Variants in WDR35 observed in about 807,000 individuals in gnomAD.
WDR35 encodes the protein WD repeat domain 35.
WDR35 carries 118 observed loss-of-function variants against 158.3 expected under a neutral mutation model. That is an observed-to-expected ratio of 0.75 (90% CI 0.64 to 0.87). The LOEUF (loss-of-function observed/expected upper bound fraction) is 0.87. Ranked by LOEUF, WDR35 falls within the 40% of genes least tolerant of loss-of-function variation. The pLI, the probability that WDR35 is intolerant of heterozygous loss-of-function variation, is 0.00. For synonymous variants in WDR35, 448 were observed against 476.1 expected, an observed-to-expected ratio of 0.94 and a Z score of 0.77; for missense variants, 1,263 against 1,405.8, an observed-to-expected ratio of 0.90 and a Z score of 1.62.
At chr2:19,941,874 G>T in intron 16 of WDR35, 35 bp from the exon 17 acceptor site, 1 of 1,428,504 alleles carries the variant, frequency 7.0e-7, no homozygotes, top group Middle Eastern at 2.2e-4. Context: ...GTTTCATTAT[G>T]CAAAATTTCC....
chr2:19,960,434 G>A, intron 11 of WDR35, 120 bp downstream of exon 11: 1 of 784,778 alleles, frequency 1.3e-6, no homozygotes, highest in South Asian at 1.6e-5. Context: ...AAAGTAGGAA[G>A]TATGGTCATC....
At chr2:19,985,701 C>T (rs1429611645) in intron 2 of WDR35, among the ~76,000 whole-genome samples, 5 of 147,088 alleles carry the variant, frequency 3.4e-5, no homozygotes, top group African/African-American at 7.5e-5. Flanking sequence ...CTGGCTAACA[C>T]GGTGAAACCC....
chr2:19,966,662 G>A (rs1200266904), intron 10 of WDR35, 62 bp downstream of exon 10: 12 of 1,573,542 alleles, frequency 7.6e-6, no homozygotes. Flanking sequence ...GCTTGAAAAG[G>A]TAGAAAACTA....
chr2:19,958,866 C>T (rs2103433328), intron 11 of WDR35, among the ~76,000 whole-genome samples: 1 of 152,086 alleles, frequency 6.6e-6, no homozygotes, highest in South Asian at 2.1e-4. Flanking sequence ...TAACAGAGTC[C>T]CACAAACTAC....
intron 2 of WDR35, among the ~76,000 whole-genome samples, chr2:19,988,955 T>C (rs1329435332): frequency 6.6e-6 from 1 of 152,228 alleles, no homozygotes; most frequent in Non-Finnish European, 1.5e-5. Context: ...CATTTTCCAT[T>C]AATAACTCAG....
At chr2:19,967,018 A>G in intron 9 of WDR35, 109 bp from the exon 10 acceptor site, 1 of 1,082,260 alleles carries the variant, frequency 9.2e-7, no homozygotes, top group East Asian at 2.6e-5. Flanking sequence ...AATATTGCAG[A>G]TATTTATCAC....
chr2:19,973,675 A>C lies in WDR35; in HGVS notation c.770T>G (p.Val257Gly), dbSNP rs142955097. Reference protein sequence around the residue: ...PVLIDTGMYVVGIQWNHMGSV... With the variant: ...PVLIDTGMYVGGIQWNHMGSV... ...GCCCATGTGGTTCCACTGGATGCCT[A>C]CTACGTACATGCCAGTGTCAATCAA... Residue 257 changes from valine to glycine, a missense_variant, in exon 8 of 27, where the codon GTA becomes GGA. Physicochemically the swap from Val to Gly is moderately radical, Grantham distance 109 (BLOSUM62 -3). Coordinates refer to ENST00000281405, the MANE Select transcript of WDR35 (RefSeq NM_020779.4). 6.2e-7 allele frequency: 1 copy of C among 1,614,198 alleles called. No individual in the cohort carries two copies. Among genetic ancestry groups the C allele is most frequent in the Non-Finnish European group, 8.5e-7 (1 of 1,180,030 alleles).
Position 19,956,014 on chromosome 2 carries a change from A to G in WDR35, c.1256-2036T>C, listed in dbSNP as rs377469590. 2.0e-5 allele frequency among the ~76,000 whole-genome samples: 3 copies of G among 152,320 alleles called. No homozygotes were observed. The East Asian group carries it at 5.8e-4, about 29-fold the overall frequency. ...GCTCAAAGCCTTTCTTGGAAGGAGC[A>G]CTTTGCTGAAAGCCAGGCATGGAGA... On this transcript the variant is annotated intron_variant, in intron 11 of 26. Coordinates refer to ENST00000281405, the MANE Select transcript of WDR35 (RefSeq NM_020779.4).
chr2:19,921,310 C>T (rs1029877751), intron 25 of WDR35, among the ~76,000 whole-genome samples: 3 of 152,180 alleles, frequency 2.0e-5, no homozygotes, highest in Admixed American at 1.3e-4. Flanking sequence ...AAGCATCACA[C>T]TAACTGACTA....
intron 3 of WDR35, 145 bp downstream of exon 3, chr2:19,982,318 G>T: frequency 1.2e-6 from 1 of 806,038 alleles, no homozygotes; most frequent in Non-Finnish European, 2.0e-6. Flanking sequence ...GGGTTTATTG[G>T]AACATATCCC....
rs570647541 is a variant in WDR35 at position 19,951,283 on chromosome 2, G to A, written c.1470+132C>T. 137 of 824,212 alleles carry A rather than the reference G, an allele frequency of 1.7e-4. No homozygotes were observed. The African/African-American group carries it at 2.0e-3, about 12-fold the overall frequency. The allele number at this position is 824,212 out of a possible 1,614,324, so 51.1% of individuals were successfully genotyped here. On this transcript the variant is annotated intron_variant, in intron 13 of 26. Coordinates refer to ENST00000281405, the MANE Select transcript of WDR35 (RefSeq NM_020779.4). ...ATCTAGGAAAAAGTTTACAGAAGAG[G>A]ATTTTTTTAAAGAATTGCTAAAATA...
intron 10 of WDR35, among the ~76,000 whole-genome samples, chr2:19,961,059 C>T (rs1165386429): frequency 1.3e-5 from 2 of 151,900 alleles, no homozygotes; most frequent in Non-Finnish European, 2.9e-5. Flanking sequence ...GAGATGGCAG[C>T]AGTTTGAAAA....
At chr2:19,949,962 T>C (rs1372526616) in intron 13 of WDR35, among the ~76,000 whole-genome samples, 1 of 152,146 alleles carries the variant, frequency 6.6e-6, no homozygotes, top group African/African-American at 2.4e-5. Context: ...TGGGGGGCTT[T>C]TGAGCTGCTC....
chr2:19,915,423 G>A (rs765115642), intron 25 of WDR35, among the ~76,000 whole-genome samples: 7 of 146,756 alleles, frequency 4.8e-5, no homozygotes, highest in East Asian at 2.0e-4. Context: ...GTTTCAGATC[G>A]TCTTACCACT....
chr2:19,952,695 G>T (rs1671277285), intron 12 of WDR35, among the ~76,000 whole-genome samples: 1 of 150,938 alleles, frequency 6.6e-6, no homozygotes, highest in Non-Finnish European at 1.5e-5. Context: ...CTTTCCATTT[G>T]GTCTTCCAGC....
chr2:19,989,025 GA>G, intron 2 of WDR35, 139 bp downstream of exon 2: 1 of 830,576 alleles, frequency 1.2e-6, no homozygotes. Context: ...ATATACTCCA[GA>G]AAAACACCAT....
intron 10 of WDR35, among the ~76,000 whole-genome samples, chr2:19,961,170 C>G (rs982168464): frequency 1.3e-4 from 19 of 151,990 alleles, no homozygotes; most frequent in Non-Finnish European, 2.1e-4. Context: ...AATCATCAAT[C>G]CTTTATGAAA....
intron 11 of WDR35, among the ~76,000 whole-genome samples, chr2:19,954,773 A>G (rs1381056652): frequency 6.6e-6 from 1 of 152,240 alleles, no homozygotes; most frequent in African/African-American, 2.4e-5. Context: ...CAGAGTTACT[A>G]TATGCCTCAG....
intron 25 of WDR35, among the ~76,000 whole-genome samples, chr2:19,918,863 G>A (rs1317043744): frequency 1.3e-5 from 2 of 152,126 alleles, no homozygotes; most frequent in African/African-American, 4.8e-5. Flanking sequence ...ACAAGGATAT[G>A]CAGGACTTGA....
Sources: gnomAD v4.1 joint callset for allele counts (sites outside exome capture counted in the v4.1 genomes callset) on GRCh38, gnomAD v4.1.1 for gene constraint, MANE v1.5 for transcripts, NCBI Gene and HGNC (gene_info 2026-07-23, HGNC 2026-07-21) for gene names.